The following DDHD2 variants were observed in gnomAD, a reference collection of about 807,000 sequenced individuals.
The protein encoded by DDHD2 is triacylglycerol hydrolase DDHD2.
In DDHD2, 62 loss-of-function variants were observed where a neutral mutation model predicts 91.2. That is an observed-to-expected ratio of 0.68 (90% CI 0.55 to 0.84). The LOEUF (loss-of-function observed/expected upper bound fraction) is 0.84, where lower values mean the gene tolerates loss of function less well. DDHD2 is among the 40% of genes least tolerant of loss of function. DDHD2 has a pLI of 0.00. For missense variants in DDHD2, 740 were observed against 846.9 expected, an observed-to-expected ratio of 0.87 and a Z score of 1.57; for synonymous variants, 271 against 293.9, an observed-to-expected ratio of 0.92 and a Z score of 0.80.
chr8:38,259,571 A>G (rs1806812593), intron 16 of DDHD2, among the ~76,000 whole-genome samples: 1 of 152,116 alleles, frequency 6.6e-6, no homozygotes, highest in African/African-American at 2.4e-5. Context: ...TTTTTAGTAG[A>G]GATGGGGTTT....
chr8:38,238,923 A>T (rs914404212), intron 5 of DDHD2: 1 of 153,126 alleles, frequency 6.5e-6, no homozygotes, highest in African/African-American at 2.5e-5. Context: ...CTAATGATTC[A>T]GAAAAATAAA....
intron 1 of DDHD2, chr8:38,270,510 T>A (rs1168777074): frequency 6.6e-6 from 1 of 152,224 alleles, no homozygotes; most frequent in African/African-American, 2.4e-5. Flanking sequence ...TATAATTATC[T>A]TAACATAGGG....
At chr8:38,255,241 T>C in intron 16 of DDHD2, 1 of 340,622 alleles carries the variant, frequency 2.9e-6, no homozygotes, top group Non-Finnish European at 5.7e-6. Context: ...AAGAATAATT[T>C]TTCCCTTGAA....
At chr8:38,259,405 T>A (rs1332614907) in intron 16 of DDHD2, among the ~76,000 whole-genome samples, 1 of 151,194 alleles carries the variant, frequency 6.6e-6, no homozygotes, top group East Asian at 1.9e-4. Flanking sequence ...TTTTTTTTTT[T>A]AGACGGAGTC....
At chr8:38,242,471 G>C (rs974120830) in intron 7 of DDHD2, 86 bp downstream of exon 7, 18 of 1,379,066 alleles carry the variant, frequency 1.3e-5, no homozygotes, top group Non-Finnish European at 1.8e-5. Flanking sequence ...TTATGCTATA[G>C]CTGACTGAAT....
At chr8:38,232,373 T>G (rs1161490501) in intron 1 of DDHD2, among the ~76,000 whole-genome samples, 1 of 152,284 alleles carries the variant, frequency 6.6e-6, no homozygotes, top group African/African-American at 2.4e-5. Flanking sequence ...TTGTTAGCTT[T>G]CATCTGAGAT....
At chr8:38,242,229 T>A in intron 6 of DDHD2, 21 bp from the exon 7 acceptor site, 1 of 1,569,262 alleles carries the variant, frequency 6.4e-7, no homozygotes, top group Non-Finnish European at 8.6e-7. Flanking sequence ...TGTTGATGCA[T>A]AAGTTAATTT....
chr8:38,262,991 G>C (rs1199801743), downstream of DDHD2: 1 of 152,080 alleles, frequency 6.6e-6, no homozygotes, highest in African/African-American at 2.4e-5. Context: ...ACTTTCCTTT[G>C]GTATTTATAA....
At chr8:38,247,634 T>C (rs1216455206) in intron 9 of DDHD2, 79 bp from the exon 10 acceptor site, 1 of 874,316 alleles carries the variant, frequency 1.1e-6, no homozygotes, top group Non-Finnish European at 1.6e-6. Context: ...TGGAAATCTA[T>C]GTATTTCTTT....
rs749124716 is a variant in DDHD2, at chr8:38,234,439, A to C, written c.266A>C (p.Tyr89Ser). ...GTTGTTCCTACTGATGGGGGCAGAT[A>C]TGATGTTCATTTGGGGGAGAGGATG... ...GRVVPTDGGRYDVHLGERMRY... is the reference protein window; with the variant it reads ...GRVVPTDGGRSDVHLGERMRY... Residue 89 changes from tyrosine to serine, a missense_variant, in exon 3 of 18, where the codon TAT becomes TCT. This residue lies in a region of DDHD2 where 693 missense variants were observed against 764.2 expected (regional missense o/e 0.91). Transcript: ENST00000397166. 6.2e-7 allele frequency: 1 copy of C among 1,611,120 alleles called. No individual in the cohort carries two copies. The highest frequency in any genetic ancestry group is 8.5e-7 in the Non-Finnish European group (1 of 1,179,538).
chr8:38,255,194 C>CAAA (rs34259167), intron 16 of DDHD2: 278 of 118,152 alleles, frequency 2.4e-3, no homozygotes, highest in South Asian at 4.0e-3. Flanking sequence ...GACTCCATCT[C>CAAA]AAAAAAAAAA....
At chr8:38,238,792 C>A in intron 5 of DDHD2, 1 of 636,392 alleles carries the variant, frequency 1.6e-6, no homozygotes, top group Non-Finnish European at 2.0e-6. Context: ...TGTTCAGTTG[C>A]CTGGATTCAA....
At chr8:38,259,377 C>T (rs1336938234) in intron 16 of DDHD2, among the ~76,000 whole-genome samples, 4 of 151,386 alleles carry the variant, frequency 2.6e-5, no homozygotes, top group Non-Finnish European at 4.4e-5. Flanking sequence ...CATGCTGCCA[C>T]GCCTGGCTAG....
chr8:38,233,191 A>C lies in DDHD2; in HGVS notation c.197A>C (p.Gln66Pro). The C allele has an allele frequency of 6.2e-7, 1 of 1,613,958 alleles. No homozygotes were observed. Among genetic ancestry groups the C allele is most frequent in the Non-Finnish European group, 8.5e-7 (1 of 1,179,838 alleles). ...CCTTTCAACTCTGAGGATTCACAGC[A>C]GCTGGAAGAGGCATATAGCTCTGGT... ...WIPFNSEDSQ[Q>P]LEEAYSSGKG... The change falls in exon 2 of 18, where the codon CAG becomes CCG. Residue 66 changes from glutamine to proline, a missense_variant. Coordinates refer to ENST00000397166, the MANE Select transcript of DDHD2 (RefSeq NM_015214.3).
chr8:38,265,312 T>A (rs1807428536), downstream of DDHD2, among the ~76,000 whole-genome samples: 1 of 151,020 alleles, frequency 6.6e-6, no homozygotes, highest in South Asian at 2.1e-4. Flanking sequence ...AAAAAACTAG[T>A]TTATTTAAAA....
At chr8:38,249,589 T>C in intron 10 of DDHD2, 119 bp from the exon 11 acceptor site, 2 of 494,368 alleles carry the variant, frequency 4.0e-6, no homozygotes, top group Non-Finnish European at 3.6e-6. Flanking sequence ...AGTTATTCTA[T>C]GATGTTTTAC....
At chr8:38,264,435 A>T, downstream of DDHD2, 4 of 1,542,476 alleles carry the variant, frequency 2.6e-6, no homozygotes, top group Non-Finnish European at 3.5e-6. Flanking sequence ...GCCCGGCCAG[A>T]TTCAATTTTT....
intron 1 of DDHD2, chr8:38,268,346 C>G: frequency 6.5e-7 from 1 of 1,548,712 alleles, no homozygotes; most frequent in Non-Finnish European, 8.7e-7. Context: ...CACGAAGAAA[C>G]CGGCCCGAAA....
chr8:38,269,062 G>A, intron 1 of DDHD2: 4 of 1,522,286 alleles, frequency 2.6e-6, no homozygotes, highest in Middle Eastern at 1.8e-4. Context: ...CCGACCCGCC[G>A]CCCCGTGCCG....
Sources: gnomAD v4.1 joint callset for allele counts (sites outside exome capture counted in the v4.1 genomes callset) on GRCh38, gnomAD v4.1.1 for gene constraint, gnomAD v4.1.1 regional missense constraint, MANE v1.5 for transcripts, NCBI Gene and HGNC (gene_info 2026-07-23, HGNC 2026-07-21) for gene names.